Variants in DLG2 observed in about 807,000 individuals in gnomAD.
DLG2 encodes discs large MAGUK scaffold protein 2.
A neutral mutation model predicts 132.5 loss-of-function variants in DLG2; 45 were observed. The ratio of observed to expected loss-of-function variants is 0.34; its 90% CI spans 0.27 to 0.44. The LOEUF (loss-of-function observed/expected upper bound fraction) is 0.44, where lower values mean the gene tolerates loss of function less well. DLG2 is among the 20% of genes least tolerant of loss of function. DLG2 has a pLI of 1.00. For missense variants in DLG2, 1,045 were observed against 1,196.9 expected (o/e 0.87, Z 1.87); for synonymous variants, 424 against 419.6 (o/e 1.01, Z -0.13).
At chr11:85,061,710 T>C (rs758544337) in intron 6 of DLG2, among the ~76,000 whole-genome samples, 9 of 151,930 alleles carry the variant, frequency 5.9e-5, no homozygotes, top group Non-Finnish European at 7.4e-5. Context: ...ACAAATTCCA[T>C]CACTAAGTTA....
At chr11:84,680,895 A>T (rs1056156899) in intron 6 of DLG2, among the ~76,000 whole-genome samples, 6 of 152,190 alleles carry the variant, frequency 3.9e-5, no homozygotes, top group African/African-American at 7.2e-5. Flanking sequence ...AGAGAAAAGT[A>T]GATTCTTTCA....
chr11:83,471,849 G>T, intron 23 of DLG2, 122 bp from the exon 24 acceptor site: 1 of 741,086 alleles, frequency 1.3e-6, no homozygotes, highest in South Asian at 1.7e-5. Context: ...TTACTTCACT[G>T]GATAAATTAC....
intron 6 of DLG2, among the ~76,000 whole-genome samples, chr11:84,708,393 C>T (rs2060001422): frequency 6.6e-6 from 1 of 151,860 alleles, no homozygotes; most frequent in Non-Finnish European, 1.5e-5. Flanking sequence ...ACACAGCAAG[C>T]AAATACACAA....
chr11:85,112,793 T>C (rs903990321), intron 5 of DLG2, among the ~76,000 whole-genome samples: 2 of 152,068 alleles, frequency 1.3e-5, no homozygotes, highest in African/African-American at 4.8e-5. Flanking sequence ...TGGCTGACTC[T>C]GGTGCCCATG....
At chr11:85,406,090 A>C (rs2088702019) in intron 3 of DLG2, among the ~76,000 whole-genome samples, 1 of 151,960 alleles carries the variant, frequency 6.6e-6, no homozygotes, top group Non-Finnish European at 1.5e-5. Flanking sequence ...CACACAATTT[A>C]TTCTTCAATT....
intron 7 of DLG2, among the ~76,000 whole-genome samples, chr11:84,367,539 T>C (rs1567430012): frequency 6.6e-6 from 1 of 152,150 alleles, no homozygotes; most frequent in African/African-American, 2.4e-5. Flanking sequence ...TAATCCCTAA[T>C]ATAACAATAT....
chr11:84,173,539 C>T (rs907580545), intron 8 of DLG2, among the ~76,000 whole-genome samples: 1 of 152,154 alleles, frequency 6.6e-6, no homozygotes, highest in Admixed American at 6.5e-5. Flanking sequence ...GAAATAAAAA[C>T]TGGGTGCTAA....
intron 6 of DLG2, among the ~76,000 whole-genome samples, chr11:85,109,708 T>C (rs901981752): frequency 1.3e-5 from 2 of 152,158 alleles, no homozygotes; most frequent in Admixed American, 6.5e-5. Flanking sequence ...TTGATTTACA[T>C]AGGATTACTG....
At chr11:85,414,974 T>C (rs1218583086) in intron 3 of DLG2, among the ~76,000 whole-genome samples, 43 of 152,070 alleles carry the variant, frequency 2.8e-4, no homozygotes, top group Admixed American at 2.8e-3. Flanking sequence ...ACTGGTCATC[T>C]ACATGAGGTA....
chr11:84,515,883 G>C (rs1011694639), intron 7 of DLG2, among the ~76,000 whole-genome samples: 9 of 151,914 alleles, frequency 5.9e-5, no homozygotes, highest in South Asian at 4.1e-4. Flanking sequence ...ATCATATCAA[G>C]TGTCTTTTCC....
chr11:84,251,404 C>T lies in DLG2; in HGVS notation c.520-113G>A, dbSNP rs1309379181. 6 of 712,504 alleles carry T rather than the reference C, an allele frequency of 8.4e-6. No individual in the cohort carries two copies. The Admixed American group carries it at 1.1e-4, about 13-fold the overall frequency. The allele number at this position is 712,504 out of a possible 1,614,324, so 44.1% of individuals were successfully genotyped here. On this transcript the variant is annotated intron_variant, in intron 7 of 27. Transcript: ENST00000376104. Reference sequence around the variant, plus strand: ...AACAGGCATTTCTTGAGGACCTCTACAGGCACCGTGTCAAGTGTTAGTAGG... The same window carrying T: ...AACAGGCATTTCTTGAGGACCTCTATAGGCACCGTGTCAAGTGTTAGTAGG...
intron 6 of DLG2, among the ~76,000 whole-genome samples, chr11:84,829,062 GTTACAC>G (rs1487443814): frequency 1.3e-5 from 2 of 151,534 alleles, no homozygotes; most frequent in Non-Finnish European, 3.0e-5. Flanking sequence ...GATATTTCAG[GTTACAC>G]AAAGACATTT....
chr11:84,150,043 A>C (rs1294892556), intron 9 of DLG2, among the ~76,000 whole-genome samples: 1 of 152,220 alleles, frequency 6.6e-6, no homozygotes, highest in Non-Finnish European at 1.5e-5. Context: ...GGTGTGAGCC[A>C]CTGCACCCAG....
At chr11:84,852,742 T>C (rs1174654801) in intron 6 of DLG2, among the ~76,000 whole-genome samples, 1 of 151,750 alleles carries the variant, frequency 6.6e-6, no homozygotes, top group Non-Finnish European at 1.5e-5. Context: ...AAAATGAAAA[T>C]ACTAGAAGAC....
chr11:85,004,516 T>G (rs1434856007), intron 6 of DLG2, among the ~76,000 whole-genome samples: 2 of 152,232 alleles, frequency 1.3e-5, no homozygotes, highest in Non-Finnish European at 2.9e-5. Context: ...CATCAGTGTA[T>G]TCTTCTGAGA....
intron 8 of DLG2, among the ~76,000 whole-genome samples, chr11:84,168,826 T>TACACACACACACAC (rs145846743): frequency 1.4e-5 from 2 of 147,994 alleles, no homozygotes; most frequent in Non-Finnish European, 1.5e-5. Context: ...CACACACACA[T>TACACACACACACAC]ACACACACAC....
intron 4 of DLG2, among the ~76,000 whole-genome samples, chr11:85,166,319 T>C (rs1295953733): frequency 6.6e-6 from 1 of 152,192 alleles, no homozygotes; most frequent in Non-Finnish European, 1.5e-5. Flanking sequence ...AGGAAGACAT[T>C]CTTCCCAATT....
intron 6 of DLG2, among the ~76,000 whole-genome samples, chr11:84,989,164 A>C (rs1423324987): frequency 6.6e-6 from 1 of 152,138 alleles, no homozygotes; most frequent in Non-Finnish European, 1.5e-5. Context: ...TACACACACA[A>C]ATGAAATAAA....
chr11:85,484,422 A>G (rs1334304746), intron 3 of DLG2, among the ~76,000 whole-genome samples: 52 of 151,050 alleles, frequency 3.4e-4, no homozygotes, highest in Middle Eastern at 3.2e-3. Flanking sequence ...GCAACCTACA[A>G]AATGGGAGAA....
Sources: allele counts gnomAD v4.1 joint callset (sites outside exome capture counted in the v4.1 genomes callset), GRCh38; gene constraint gnomAD v4.1.1; transcripts MANE v1.5; gene names NCBI Gene and HGNC (gene_info 2026-07-23, HGNC 2026-07-21).